SLC2A13: variants seen among roughly 807,000 people sequenced by gnomAD.
SLC2A13 encodes the protein solute carrier family 2 member 13.
A neutral mutation model predicts 64.4 loss-of-function variants in SLC2A13; 32 were observed. That is an observed-to-expected ratio of 0.50 (90% confidence interval 0.37 to 0.67). The LOEUF (loss-of-function observed/expected upper bound fraction) is 0.67. SLC2A13 is among the 30% of genes least tolerant of loss of function. The pLI, the probability that SLC2A13 is intolerant of heterozygous loss-of-function variation, is 0.00. For missense variants in SLC2A13, 743 were observed against 829.2 expected, an observed-to-expected ratio of 0.90 and a Z score of 1.28; for synonymous variants, 338 against 327.1, an observed-to-expected ratio of 1.03 and a Z score of -0.36.
chr12:39,947,067 GTCTAACTTGACTCAGCTC>G (rs1160980354), intron 4 of SLC2A13, among the ~76,000 whole-genome samples: 3 of 152,224 alleles, frequency 2.0e-5, no homozygotes, highest in South Asian at 4.2e-4. Flanking sequence ...TCACTTGCCT[GTCTAACTTGACTCAGCTC>G]TCTAACTTGA....
At chr12:39,807,760 G>T (rs1942023524) in intron 7 of SLC2A13, among the ~76,000 whole-genome samples, 1 of 152,030 alleles carries the variant, frequency 6.6e-6, no homozygotes, top group African/African-American at 2.4e-5. Context: ...TTATAATAAT[G>T]GAGAGTTGGG....
chr12:39,931,865 C>A (rs1195444125), intron 4 of SLC2A13, among the ~76,000 whole-genome samples: 1 of 152,104 alleles, frequency 6.6e-6, no homozygotes, highest in African/African-American at 2.4e-5. Flanking sequence ...TGATTTTATA[C>A]TAATTACTAA....
At position 39,875,051 on chromosome 12, in the gene SLC2A13, T is replaced by C. The variant is rs187555899; in HGVS notation, c.1035-3090A>G. 2.6e-3 allele frequency among the ~76,000 whole-genome samples: 395 copies of C among 152,346 alleles called. 2 individuals are homozygous for C. The highest frequency in any genetic ancestry group is 0.022 in the Admixed American group (331 of 15,300). ...GCCTTGATTTTCATCTTCCTTTCTC[T>C]AACCCTGGTAAATATATTAGTTTGT... On this transcript the variant is annotated intron_variant, in intron 4 of 9. Coordinates refer to ENST00000280871, the MANE Select transcript of SLC2A13 (RefSeq NM_052885.4).
chr12:39,873,089 T>C (rs985328655), intron 4 of SLC2A13, among the ~76,000 whole-genome samples: 5 of 152,186 alleles, frequency 3.3e-5, no homozygotes, highest in Admixed American at 3.3e-4. Context: ...TGATGATGGT[T>C]CTTATCTAAA....
chr12:39,773,883 C>T (rs752638687), intron 7 of SLC2A13, among the ~76,000 whole-genome samples: 7 of 152,152 alleles, frequency 4.6e-5, no homozygotes, highest in Non-Finnish European at 7.3e-5. Context: ...TACTACAGTT[C>T]GTGTGACACA....
intron 4 of SLC2A13, 32 bp from the exon 5 acceptor site, chr12:39,871,993 G>A: frequency 1.3e-6 from 2 of 1,492,562 alleles, no homozygotes; most frequent in Non-Finnish European, 1.8e-6. Context: ...AATTGCTATT[G>A]ATAGTTACCC....
intron 3 of SLC2A13, among the ~76,000 whole-genome samples, chr12:39,954,149 A>C (rs897806556): frequency 5.3e-5 from 8 of 152,202 alleles, no homozygotes; most frequent in Non-Finnish European, 1.2e-4. Context: ...GCAAAGTGAT[A>C]CCTGAGATTT....
intron 4 of SLC2A13, among the ~76,000 whole-genome samples, chr12:39,893,796 T>C (rs1219142726): frequency 1.3e-5 from 2 of 152,234 alleles, no homozygotes; most frequent in African/African-American, 4.8e-5. Context: ...TTTTCTGCAA[T>C]TTACTTTAAG....
chr12:40,049,828 CTACTGATAAGTAG>C (rs781472095), intron 1 of SLC2A13, among the ~76,000 whole-genome samples: 15 of 152,040 alleles, frequency 9.9e-5, no homozygotes, highest in Admixed American at 2.0e-4. Context: ...TATTGCATAA[CTACTGATAAGTAG>C]TTATTAAATT....
chr12:40,052,091 A>C (rs902748133), intron 1 of SLC2A13, among the ~76,000 whole-genome samples: 4 of 152,166 alleles, frequency 2.6e-5, no homozygotes, highest in Admixed American at 6.5e-5. Context: ...GTCAGGAAAA[A>C]GCAACTAGGA....
chr12:39,912,872 A>G (rs1945453788), intron 4 of SLC2A13, among the ~76,000 whole-genome samples: 1 of 152,140 alleles, frequency 6.6e-6, no homozygotes, highest in South Asian at 2.1e-4. Flanking sequence ...CGTGGCCTAC[A>G]TACAACATAG....
intron 3 of SLC2A13, among the ~76,000 whole-genome samples, chr12:39,997,359 A>G (rs1179578345): frequency 2.0e-5 from 3 of 152,214 alleles, no homozygotes; most frequent in Non-Finnish European, 4.4e-5. Flanking sequence ...CTGGATCCTC[A>G]TCTCTCACCT....
chr12:39,770,428 A>G (rs1310089008), intron 7 of SLC2A13, among the ~76,000 whole-genome samples: 1 of 152,190 alleles, frequency 6.6e-6, no homozygotes, highest in African/African-American at 2.4e-5. Flanking sequence ...CTTAATAGCC[A>G]TATTCATTCA....
chr12:40,030,344 C>A (rs955330571), intron 2 of SLC2A13, among the ~76,000 whole-genome samples: 5 of 152,124 alleles, frequency 3.3e-5, no homozygotes, highest in Admixed American at 2.6e-4. Flanking sequence ...ATAATTTAAT[C>A]TGTTATTTAA....
At chr12:39,818,242 A>G (rs1028512720) in intron 7 of SLC2A13, among the ~76,000 whole-genome samples, 2 of 152,066 alleles carry the variant, frequency 1.3e-5, no homozygotes, top group Non-Finnish European at 2.9e-5. Flanking sequence ...AAAACTGAGG[A>G]GTTGATTTTT....
chr12:39,953,243 A>C (rs576883559), intron 3 of SLC2A13, among the ~76,000 whole-genome samples: 5 of 152,318 alleles, frequency 3.3e-5, no homozygotes, highest in African/African-American at 1.2e-4. Context: ...CTATTGCATA[A>C]ACATCACATA....
chr12:39,945,838 A>G (rs1241944410), intron 4 of SLC2A13, among the ~76,000 whole-genome samples: 1 of 151,354 alleles, frequency 6.6e-6, no homozygotes, highest in East Asian at 2.0e-4. Flanking sequence ...TAACCTCCTG[A>G]ATTATTTTTC....
At chr12:39,981,221 A>G (rs1309756879) in intron 3 of SLC2A13, among the ~76,000 whole-genome samples, 1 of 150,280 alleles carries the variant, frequency 6.7e-6, no homozygotes, top group African/African-American at 2.5e-5. Flanking sequence ...AAGAGAAAGC[A>G]GGAAAGATCC....
At chr12:40,096,259 A>C (rs1166197193) in intron 1 of SLC2A13, among the ~76,000 whole-genome samples, 1 of 152,024 alleles carries the variant, frequency 6.6e-6, no homozygotes, top group South Asian at 2.1e-4. Context: ...CTAATTTAGT[A>C]AGTATCGTGT....
Sources: gnomAD v4.1 joint callset for allele counts (sites outside exome capture counted in the v4.1 genomes callset) on GRCh38, gnomAD v4.1.1 for gene constraint, MANE v1.5 for transcripts, NCBI Gene and HGNC (gene_info 2026-07-23, HGNC 2026-07-21) for gene names.